The following ZDHHC14 variants were observed in gnomAD, a reference collection of about 807,000 sequenced individuals.
The protein encoded by ZDHHC14 is palmitoyltransferase ZDHHC14.
In ZDHHC14, 16 loss-of-function variants were observed where a neutral mutation model predicts 47.7. That is an observed-to-expected ratio of 0.34 (90% CI 0.23 to 0.51). ZDHHC14 has a LOEUF of 0.51. ZDHHC14 is among the 20% of genes least tolerant of loss of function. The pLI, the probability that ZDHHC14 is intolerant of heterozygous loss-of-function variation, is 0.97. For synonymous variants in ZDHHC14, 293 were observed against 278.9 expected, an observed-to-expected ratio of 1.05 and a Z score of -0.50; for missense variants, 515 against 662.5, an observed-to-expected ratio of 0.78 and a Z score of 2.44.
intron 1 of ZDHHC14, among the ~76,000 whole-genome samples, chr6:157,510,811 C>A (rs1780447733): frequency 6.6e-6 from 1 of 152,226 alleles, no homozygotes; most frequent in East Asian, 1.9e-4. Context: ...ACCAGGCAGG[C>A]GCCCAGGGAT....
At chr6:157,465,603 TA>T (rs772324472) in intron 1 of ZDHHC14, among the ~76,000 whole-genome samples, 204 of 142,682 alleles carry the variant, frequency 1.4e-3, no homozygotes, top group Middle Eastern at 3.6e-3. Flanking sequence ...CAAGAGATGC[TA>T]AAAAAAAAAA....
chr6:157,498,720 GT>G (rs778532658), intron 1 of ZDHHC14, among the ~76,000 whole-genome samples: 2 of 152,172 alleles, frequency 1.3e-5, no homozygotes, highest in Non-Finnish European at 2.9e-5. Flanking sequence ...ACTGTCTCTT[GT>G]CCTGCTTTAT....
intron 3 of ZDHHC14, among the ~76,000 whole-genome samples, chr6:157,614,792 A>G (rs1784899190): frequency 1.3e-5 from 2 of 149,036 alleles, no homozygotes; most frequent in South Asian, 4.2e-4. Context: ...TTTTTTTGAG[A>G]CAGAGTCTCA....
chr6:157,553,649 G>C (rs576610955), intron 2 of ZDHHC14, among the ~76,000 whole-genome samples: 6 of 151,984 alleles, frequency 3.9e-5, no homozygotes, highest in East Asian at 1.9e-4. Flanking sequence ...GAGAGGGCTG[G>C]GGGGAAATAC....
intron 1 of ZDHHC14, among the ~76,000 whole-genome samples, chr6:157,535,848 C>T (rs546279430): frequency 8.5e-5 from 13 of 152,284 alleles, no homozygotes; most frequent in African/African-American, 2.6e-4. Flanking sequence ...ATGCGCTCAT[C>T]TTTGCCTTGT....
chr6:157,573,404 G>A (rs1023415630), intron 2 of ZDHHC14, among the ~76,000 whole-genome samples: 11 of 152,188 alleles, frequency 7.2e-5, no homozygotes, highest in African/African-American at 7.2e-5. Flanking sequence ...GGGCAAGCCC[G>A]ACAGAATGGT....
In ZDHHC14 at chr6:157,673,954, C is replaced by T. The variant is rs974114633; in HGVS notation, c.*832C>T. ...TCCTCTGTTATTTTGGATCTGCGTA[C>T]GGTTATCCTTAATAGCATAAATGAA... is the stretch of plus-strand genomic sequence containing the variant. On this transcript the variant is annotated 3_prime_UTR_variant, in exon 9 of 9. Transcript: ENST00000359775. This position sits in a 1 kb window ranked among gnomAD's most constrained non-coding sequence, Gnocchi z 5.4. The T allele has an allele frequency of 4.6e-5, 7 of 152,578 alleles. No homozygotes were observed. The highest frequency in any genetic ancestry group is 7.2e-5 in the African/African-American group (3 of 41,422). The allele number at this position is 152,578 out of a possible 1,614,324, so 9.5% of individuals were successfully genotyped here.
intron 3 of ZDHHC14, among the ~76,000 whole-genome samples, chr6:157,626,844 C>T (rs1013273776): frequency 3.3e-5 from 5 of 151,694 alleles, no homozygotes; most frequent in Admixed American, 3.3e-4. Context: ...TGCAGCCCTC[C>T]CCAGCCCCAG....
chr6:157,424,415 C>T (rs1246110865), intron 1 of ZDHHC14, among the ~76,000 whole-genome samples: 1 of 152,062 alleles, frequency 6.6e-6, no homozygotes. Flanking sequence ...ACAATCACTG[C>T]CCTATTTTTT....
chr6:157,553,034 G>A (rs560692763), intron 2 of ZDHHC14, among the ~76,000 whole-genome samples: 1 of 152,312 alleles, frequency 6.6e-6, no homozygotes, highest in African/African-American at 2.4e-5. Flanking sequence ...TAGGGAAGAG[G>A]CATTGGGCTC....
chr6:157,558,946 C>A (rs564541807), intron 2 of ZDHHC14, among the ~76,000 whole-genome samples: 10 of 152,220 alleles, frequency 6.6e-5, no homozygotes, highest in Non-Finnish European at 1.5e-4. Flanking sequence ...TTCCCCCCAG[C>A]TCTCTAATAC....
Position 157,534,533 on chromosome 6 carries a change from T to TATTTCATTTCATTTCATTTC in ZDHHC14, c.246-8004_246-7985dup, listed in dbSNP as rs34937760. Among the ~76,000 whole-genome samples the TATTTCATTTCATTTCATTTC allele has an allele frequency of 1.8e-3, 260 of 141,196 alleles. 2 individuals carry two copies. Among genetic ancestry groups the TATTTCATTTCATTTCATTTC allele is most frequent in the Non-Finnish European group, 7.2e-4 (47 of 65,240 alleles). The allele number at this position is 141,196 out of a possible 152,430, so 92.6% of individuals were successfully genotyped here. A position where few individuals can be genotyped will look rare whatever the true frequency, so the allele number is the denominator to read the frequency against. On this transcript the variant is annotated intron_variant, in intron 1 of 8. Transcript: ENST00000359775. Reference sequence around the variant, plus strand: ...AGAAGCCTCTGGCTTCCTGGAATTCTATTTCATTTCATTTCATTTCATTTC... The same window carrying TATTTCATTTCATTTCATTTC: ...AGAAGCCTCTGGCTTCCTGGAATTCTATTTCATTTCATTTCATTTCATTTCATTTCATTTCATTTCATTTC...
chr6:157,471,292 C>G (rs888895591), intron 1 of ZDHHC14, among the ~76,000 whole-genome samples: 1 of 152,228 alleles, frequency 6.6e-6, no homozygotes, highest in Non-Finnish European at 1.5e-5. Context: ...ATGTGTCTGT[C>G]AAGTGAACGA....
At chr6:157,447,049 G>A (rs952112721) in intron 1 of ZDHHC14, among the ~76,000 whole-genome samples, 14 of 152,032 alleles carry the variant, frequency 9.2e-5, no homozygotes, top group African/African-American at 3.1e-4. Context: ...AACCCGGGAC[G>A]TGGAGGTTGC....
chr6:157,435,621 C>T (rs9364991), intron 1 of ZDHHC14, among the ~76,000 whole-genome samples: 36,296 of 151,870 alleles, frequency 0.24, 4,632 homozygotes, highest in African/African-American at 0.32. Flanking sequence ...CTCACTGCAA[C>T]CTCTGCCTCC....
At chr6:157,468,596 T>G (rs1395461665) in intron 1 of ZDHHC14, among the ~76,000 whole-genome samples, 1 of 152,204 alleles carries the variant, frequency 6.6e-6, no homozygotes, top group Non-Finnish European at 1.5e-5. Context: ...AGACAAAGTA[T>G]GTTTTCAGAA....
At chr6:157,442,127 A>C (rs1445127695) in intron 1 of ZDHHC14, among the ~76,000 whole-genome samples, 1 of 152,210 alleles carries the variant, frequency 6.6e-6, no homozygotes, top group Non-Finnish European at 1.5e-5. Context: ...ATGGTGGCTC[A>C]TGCCTGTAAT....
chr6:157,550,196 A>G (rs1264985031), intron 2 of ZDHHC14, among the ~76,000 whole-genome samples: 2 of 152,226 alleles, frequency 1.3e-5, no homozygotes, highest in African/African-American at 2.4e-5. Context: ...TCACATAGGC[A>G]TTCTAGAGAG....
chr6:157,404,756 T>C (rs952833267), intron 1 of ZDHHC14, among the ~76,000 whole-genome samples: 2 of 152,334 alleles, frequency 1.3e-5, no homozygotes, highest in Admixed American at 6.5e-5. Flanking sequence ...TAAATATATA[T>C]TTTTTAATTT....
Sources: allele counts gnomAD v4.1 joint callset (sites outside exome capture counted in the v4.1 genomes callset), GRCh38; gene constraint gnomAD v4.1.1; non-coding constraint Gnocchi (gnomAD v3.1); transcripts MANE v1.5; gene names NCBI Gene and HGNC (gene_info 2026-07-23, HGNC 2026-07-21).